Variants in TMTC1 observed in about 807,000 individuals in gnomAD.
TMTC1 encodes the protein protein O-mannosyl-transferase TMTC1.
TMTC1 carries 73 observed loss-of-function variants against 104.8 expected under a neutral mutation model. That is an observed-to-expected ratio of 0.70 (90% CI 0.58 to 0.85). TMTC1 has a LOEUF of 0.85. Ranked by LOEUF, TMTC1 falls within the 40% of genes least tolerant of loss-of-function variation. The pLI, the probability that TMTC1 is intolerant of heterozygous loss-of-function variation, is 0.00. For missense variants in TMTC1, 1,035 were observed against 1,096.1 expected, an observed-to-expected ratio of 0.94 and a Z score of 0.79; for synonymous variants, 434 against 428.7, an observed-to-expected ratio of 1.01 and a Z score of -0.15.
At chr12:29,571,521 A>T (rs1439139865) in intron 9 of TMTC1, among the ~76,000 whole-genome samples, 1 of 152,048 alleles carries the variant, frequency 6.6e-6, no homozygotes, top group Admixed American at 6.5e-5. Context: ...ATATCTAAGG[A>T]TATGTATAGT....
chr12:29,684,749 C>T (rs1202818540), intron 5 of TMTC1, among the ~76,000 whole-genome samples: 1 of 152,044 alleles, frequency 6.6e-6, no homozygotes, highest in Non-Finnish European at 1.5e-5. Flanking sequence ...TAAGAAAATA[C>T]AGTGAAAACA....
At chr12:29,593,825 G>A (rs756680720) in intron 7 of TMTC1, among the ~76,000 whole-genome samples, 1 of 152,198 alleles carries the variant, frequency 6.6e-6, no homozygotes, top group Non-Finnish European at 1.5e-5. Flanking sequence ...AGTTCAAGCA[G>A]GTTCTTTTTA....
chr12:29,547,725 A>G (rs1223592361), intron 10 of TMTC1, among the ~76,000 whole-genome samples: 1 of 152,160 alleles, frequency 6.6e-6, no homozygotes, highest in Non-Finnish European at 1.5e-5. Context: ...ATAAGGAGGA[A>G]AGTGGCAGGA....
chr12:29,773,251 G>C (rs887480674), intron 1 of TMTC1, among the ~76,000 whole-genome samples: 1 of 152,106 alleles, frequency 6.6e-6, no homozygotes, highest in African/African-American at 2.4e-5. Context: ...TCCCAGGAAA[G>C]GGTATGGGGT....
intron 5 of TMTC1, among the ~76,000 whole-genome samples, chr12:29,703,403 C>T (rs1941656555): frequency 6.6e-6 from 1 of 152,116 alleles, no homozygotes; most frequent in South Asian, 2.1e-4. Flanking sequence ...AGAGTTTAAA[C>T]AACAACTTAT....
chr12:29,729,928 A>T (rs1213552483), intron 5 of TMTC1, among the ~76,000 whole-genome samples: 1 of 152,200 alleles, frequency 6.6e-6, no homozygotes, highest in Non-Finnish European at 1.5e-5. Context: ...AAAGGGATAA[A>T]TATAATTTCC....
At chr12:29,606,866 C>CT (rs1251662128) in intron 6 of TMTC1, among the ~76,000 whole-genome samples, 45 of 149,488 alleles carry the variant, frequency 3.0e-4, no homozygotes, top group Middle Eastern at 6.8e-3. Flanking sequence ...TGTTCACTTT[C>CT]TTTTTTTTTT....
At chr12:29,613,209 GT>G (rs1390315070) in intron 6 of TMTC1, among the ~76,000 whole-genome samples, 4 of 152,166 alleles carry the variant, frequency 2.6e-5, no homozygotes, top group African/African-American at 9.7e-5. Flanking sequence ...ATGTGTCCAT[GT>G]GCATTGAGAT....
Position 29,506,347 on chromosome 12 carries a change from G to T in TMTC1, c.*499C>A, listed in dbSNP as rs1294200895. On this transcript the variant is annotated 3_prime_UTR_variant, in exon 18 of 18. Transcript: ENST00000539277. ...CTGGAAGGTTCTACAAAAGCTATTAGATACTCATTCCTGGTTCTGGAAAAT... is the reference window on the plus strand; with the variant it reads ...CTGGAAGGTTCTACAAAAGCTATTATATACTCATTCCTGGTTCTGGAAAAT... 6.5e-6 allele frequency: 1 copy of T among 154,328 alleles called. No homozygotes were observed. Among genetic ancestry groups the T allele is most frequent in the Non-Finnish European group, 1.4e-5 (1 of 69,448 alleles). The allele number at this position is 154,328 out of a possible 1,614,324, so 9.6% of individuals were successfully genotyped here. A position where few individuals can be genotyped will look rare whatever the true frequency, so the allele number is the denominator to read the frequency against.
chr12:29,783,511 T>C lies in TMTC1; in HGVS notation c.241A>G (p.Lys81Glu). The C allele has an allele frequency of 7.0e-7, 1 of 1,435,636 alleles. No individual in the cohort carries two copies. The highest frequency in any genetic ancestry group is 9.2e-7 in the Non-Finnish European group (1 of 1,091,424). 88.9% of individuals were successfully genotyped at this position (1,435,636 alleles called of 1,614,324 possible). ...TGGCTGGTGTTCTCGGCCATGCCCTTGCCCCAGAAGTCGTTGGTGAAGATG... is the reference window on the plus strand; with the variant it reads ...TGGCTGGTGTTCTCGGCCATGCCCTCGCCCCAGAAGTCGTTGGTGAAGATG... The part of the protein sequence containing the change: ...WGIFTNDFWG[K>E]GMAENTSHKS... Residue 81 changes from lysine to glutamate, a missense_variant, in exon 1 of 18, where the codon AAG becomes GAG. Coordinates refer to ENST00000539277, the MANE Select transcript of TMTC1 (RefSeq NM_001193451.2). The surrounding 1 kb of genome is among the most constrained non-coding windows in gnomAD (Gnocchi z 4.7).
intron 2 of TMTC1, among the ~76,000 whole-genome samples, chr12:29,761,712 G>A (rs1474925935): frequency 6.6e-6 from 1 of 152,118 alleles, no homozygotes; most frequent in Non-Finnish European, 1.5e-5. Context: ...GATGAACTGG[G>A]CTGACATTTC....
At position 29,514,577 on chromosome 12, in the gene TMTC1, G is replaced by A; in HGVS notation, c.2335C>T (p.Gln779Ter). The A allele has an allele frequency of 6.2e-7, 1 of 1,613,990 alleles. No individual in the cohort carries two copies. The highest frequency in any genetic ancestry group is 8.5e-7 in the Non-Finnish European group (1 of 1,179,968). The change falls in exon 16 of 18, where the codon CAG (glutamine) becomes TAG (stop). Residue 779 changes from glutamine (Q) to a stop codon, truncating the protein, a stop_gained. Transcript: ENST00000539277. LOFTEE classifies it high-confidence loss of function. ...ACTTTTGGGTCCTTTGGTTTCAGCT[G>A]GAGAGCCTTGTCTATAGCATCAAGT... is the stretch of plus-strand genomic sequence containing the variant. ...KALDAIDKAL[Q>*]LKPKDPKVIS...
intron 6 of TMTC1, among the ~76,000 whole-genome samples, chr12:29,606,736 C>A (rs1212233989): frequency 1.3e-5 from 2 of 152,162 alleles, no homozygotes; most frequent in African/African-American, 4.8e-5. Flanking sequence ...AGCCACCCCA[C>A]GGCCCCTCAT....
At chr12:29,695,375 C>T (rs573364335) in intron 5 of TMTC1, among the ~76,000 whole-genome samples, 5 of 151,886 alleles carry the variant, frequency 3.3e-5, no homozygotes, top group Admixed American at 1.3e-4. Flanking sequence ...GGTGCTATCT[C>T]GGCTCACTGC....
At chr12:29,679,091 C>T (rs1317701026) in intron 5 of TMTC1, among the ~76,000 whole-genome samples, 1 of 152,084 alleles carries the variant, frequency 6.6e-6, no homozygotes, top group African/African-American at 2.4e-5. Flanking sequence ...TACAACCATG[C>T]AGTGCAATAT....
intron 2 of TMTC1, among the ~76,000 whole-genome samples, chr12:29,759,501 T>TA (rs1040009507): frequency 2.0e-5 from 3 of 151,882 alleles, no homozygotes; most frequent in East Asian, 1.9e-4. Flanking sequence ...TCTCAAAAAA[T>TA]AAAAAAATAA....
chr12:29,525,050 A>T (rs1356868479), intron 11 of TMTC1, among the ~76,000 whole-genome samples: 1 of 145,312 alleles, frequency 6.9e-6, no homozygotes, highest in African/African-American at 2.7e-5. Context: ...TAAGGTTTCA[A>T]ATGGGTGTAT....
At chr12:29,586,451 G>C in intron 7 of TMTC1, among the ~76,000 whole-genome samples, 1 of 152,068 alleles carries the variant, frequency 6.6e-6, no homozygotes, top group Admixed American at 6.5e-5. Context: ...TGATTGCCCT[G>C]GCCAGAACTT....
chr12:29,529,381 G>A (rs73263805), intron 11 of TMTC1, among the ~76,000 whole-genome samples: 2,256 of 152,184 alleles, frequency 0.015, 41 homozygotes, highest in African/African-American at 0.046. Context: ...CCCTGACATC[G>A]GGGTCACTAT....
Sources: gnomAD v4.1 joint callset for allele counts (sites outside exome capture counted in the v4.1 genomes callset) on GRCh38, gnomAD v4.1.1 for gene constraint, Gnocchi (gnomAD v3.1) non-coding constraint, MANE v1.5 for transcripts, NCBI Gene and HGNC (gene_info 2026-07-23, HGNC 2026-07-21) for gene names.